The following VPS9D1 variants were observed in gnomAD, a reference collection of about 807,000 sequenced individuals.
The protein encoded by VPS9D1 is VPS9 domain-containing protein 1.
A neutral mutation model predicts 75.8 loss-of-function variants in VPS9D1; 78 were observed. That is an observed-to-expected ratio of 1.03 (90% CI 0.86 to 1.24). VPS9D1 has a LOEUF of 1.24. Among genes scored for constraint, VPS9D1 ranks in the 50% most tolerant of loss-of-function variants. The pLI is 0.00. For synonymous variants in VPS9D1, 481 were observed against 385.6 expected (o/e 1.25, Z -2.90); for missense variants, 1,057 against 847.7 (o/e 1.25, Z -3.07).
At chr16:89,716,939 C>T in intron 2 of VPS9D1, 117 bp from the exon 3 acceptor site, 5 of 955,958 alleles carry the variant, frequency 5.2e-6, no homozygotes, top group Non-Finnish European at 7.4e-6. Context: ...AGCACCCCCA[C>T]TGACCCCGGG....
intron 8 of VPS9D1, chr16:89,711,628 C>A: frequency 1.5e-6 from 1 of 656,632 alleles, no homozygotes; most frequent in Non-Finnish European, 2.5e-6. Flanking sequence ...TGGGACCCTC[C>A]CTCCTCGCAG....
At chr16:89,710,472 A>C in intron 10 of VPS9D1, 114 bp downstream of exon 10, 2 of 1,179,476 alleles carry the variant, frequency 1.7e-6, no homozygotes, top group Non-Finnish European at 2.3e-6. Flanking sequence ...GGGTGGATGT[A>C]AGTCTGATCA....
chr16:89,708,839 C>T lies in VPS9D1; in HGVS notation c.1697+18G>A, dbSNP rs373091500. On this transcript the variant is annotated intron_variant, in intron 13 of 14. Coordinates refer to ENST00000389386, the MANE Select transcript of VPS9D1 (RefSeq NM_004913.3). ...GGGCCCTTCCTCCCTGGCCACACCT[C>T]GCCCTCCTGGGACTCACATGGCAGC... 129 of 1,568,570 alleles carry T rather than the reference C, an allele frequency of 8.2e-5. 1 individual carries two copies. The African/African-American group carries it at 1.5e-3, about 18-fold the overall frequency.
At chr16:89,711,711 C>A in intron 8 of VPS9D1, 171 bp downstream of exon 8, 2 of 844,790 alleles carry the variant, frequency 2.4e-6, no homozygotes, top group Non-Finnish European at 1.8e-6. Context: ...CCGCCCCACG[C>A]AGCCCTGGCC....
chr16:89,719,027 C>T lies in VPS9D1; in HGVS notation c.175G>A (p.Glu59Lys). ...CCGCGCCCGGCTGGCTGAGCCGTACCTTTAGTGGTTTCCACTTCTTCTAGT... is the reference window on the plus strand; with the variant it reads ...CCGCGCCCGGCTGGCTGAGCCGTACTTTTAGTGGTTTCCACTTCTTCTAGT... ...VLLEEVETTK[E>K]AGETVPPDTS... The change falls in exon 2 of 15, where the codon GAA becomes AAA. Residue 59 changes from glutamate (E) to lysine (K), a missense_variant and splice_region_variant. Physicochemically the swap from Glu to Lys is moderately conservative, Grantham distance 56. Transcript: ENST00000389386. 1 of 1,613,034 alleles carries T rather than the reference C, an allele frequency of 6.2e-7. No individual in the cohort carries two copies. Among genetic ancestry groups the T allele is most frequent in the Non-Finnish European group, 8.5e-7 (1 of 1,179,734 alleles).
chr16:89,720,672 G>C, intron 1 of VPS9D1, 91 bp downstream of exon 1: 1 of 1,264,620 alleles, frequency 7.9e-7, no homozygotes. Context: ...CAAGTCTCCA[G>C]CCCGAGCCGG....
chr16:89,713,637 G>A (rs1271744531), intron 4 of VPS9D1, among the ~76,000 whole-genome samples: 1 of 152,124 alleles, frequency 6.6e-6, no homozygotes, highest in Non-Finnish European at 1.5e-5. Context: ...TATGAATCTT[G>A]TTAAAGCAAG....
chr16:89,711,082 G>A, intron 9 of VPS9D1, 72 bp from the exon 10 acceptor site: 7 of 1,397,452 alleles, frequency 5.0e-6, no homozygotes, highest in Non-Finnish European at 5.6e-6. Context: ...GCCGCGCTAT[G>A]CCCGGTTTCA....
chr16:89,715,403 T>A (rs2061039770), intron 4 of VPS9D1, among the ~76,000 whole-genome samples: 1 of 151,806 alleles, frequency 6.6e-6, no homozygotes, highest in Non-Finnish European at 1.5e-5. Context: ...ATTTTTTGTA[T>A]TTTTAGTAGA....
chr16:89,710,750 G>T lies in VPS9D1; in HGVS notation c.1094C>A (p.Pro365His). Reference sequence around the variant, plus strand: ...CAATCCAGATGCGGTGTCCCCCAGGGGTGAGGGAGACCCCACGGGGCCGGG... The same window carrying T: ...CAATCCAGATGCGGTGTCCCCCAGGTGTGAGGGAGACCCCACGGGGCCGGG... The part of the protein sequence containing the change: ...LQPGPVGSPS[P>H]LGDTASGLPD... The change falls in exon 10 of 15, where the codon CCC becomes CAC. Residue 365 changes from proline (P) to histidine (H), a missense_variant. By Grantham distance (77) the Pro-to-His change is moderately conservative (BLOSUM62 -2). Coordinates refer to ENST00000389386, the MANE Select transcript of VPS9D1 (RefSeq NM_004913.3). 6.3e-7 allele frequency: 1 copy of T among 1,576,326 alleles called. No homozygotes were observed. Among genetic ancestry groups the T allele is most frequent in the African/African-American group, 1.3e-5 (1 of 74,258 alleles).
intron 1 of VPS9D1, 105 bp from the exon 2 acceptor site, chr16:89,719,207 G>T: frequency 2.9e-6 from 3 of 1,047,720 alleles, no homozygotes; most frequent in Non-Finnish European, 3.0e-6. Context: ...ACCACCACCT[G>T]CTTATCTCTG....
intron 4 of VPS9D1, among the ~76,000 whole-genome samples, chr16:89,716,036 G>C (rs542097646): frequency 2.0e-5 from 3 of 151,696 alleles, no homozygotes; most frequent in Admixed American, 2.0e-4. Context: ...AAAAACATTC[G>C]CTGTCAGGCC....
At chr16:89,720,494 TCTC>T (rs1364208037) in intron 1 of VPS9D1, 9 of 1,125,444 alleles carry the variant, frequency 8.0e-6, no homozygotes, top group South Asian at 4.4e-5. Flanking sequence ...TCCTGCTACA[TCTC>T]CTCTACAGGT....
Position 89,710,608 on chromosome 16 carries a change from C to T in VPS9D1, c.1236G>A (p.Val412=), listed in dbSNP as rs374739807. The part of the protein sequence containing the change: ...EPQLQQLKTA[V]EEIHNAVDRL... ...CACCTACGGCATTGTGGATCTCCTCCACCGCGGTCTTCAGCTGCTGCAGCT... is the reference window on the plus strand; with the variant it reads ...CACCTACGGCATTGTGGATCTCCTCTACCGCGGTCTTCAGCTGCTGCAGCT... The change falls in exon 10 of 15, where the codon GTG becomes GTA. Residue 412 remains valine (V), a synonymous_variant. Coordinates refer to ENST00000389386, the MANE Select transcript of VPS9D1 (RefSeq NM_004913.3). 4.2e-5 allele frequency: 67 copies of T among 1,606,460 alleles called. No individual in the cohort carries two copies. Among genetic ancestry groups the T allele is most frequent in the Non-Finnish European group, 5.4e-5 (64 of 1,174,886 alleles).
chr16:89,707,865 T>G lies in VPS9D1; in HGVS notation c.1892A>C (p.Lys631Thr). Residue 631 changes from lysine (K) to threonine (T), a missense_variant, in exon 15 of 15, where the codon AAG (lysine) becomes ACG (threonine). Physicochemically the swap from Lys to Thr is moderately conservative, Grantham distance 78. Coordinates refer to ENST00000389386, the MANE Select transcript of VPS9D1 (RefSeq NM_004913.3). Reference protein sequence around the residue: ...VELLPRGGLAK With the variant: ...VELLPRGGLAT ...GGACCCTGGGCTCTAGCTGTACTAC[T>G]TGGCCAGGCCTCCCCGGGGCAGCAG... is the stretch of plus-strand genomic sequence containing the variant. The G allele has an allele frequency of 6.2e-7, 1 of 1,613,002 alleles. No homozygotes were observed. Among genetic ancestry groups the G allele is most frequent in the Non-Finnish European group, 8.5e-7 (1 of 1,179,928 alleles).
At chr16:89,719,443 C>A in intron 1 of VPS9D1, 1 of 454,464 alleles carries the variant, frequency 2.2e-6, no homozygotes, top group Non-Finnish European at 4.4e-6. Flanking sequence ...GAAGTGACCT[C>A]AGCAGTTTGC....
At chr16:89,719,734 G>T (rs1402430250) in intron 1 of VPS9D1, among the ~76,000 whole-genome samples, 1 of 152,038 alleles carries the variant, frequency 6.6e-6, no homozygotes, top group South Asian at 2.1e-4. Flanking sequence ...GTTTTGTTTT[G>T]TTGAGACAGA....
At position 89,712,526 on chromosome 16, in the gene VPS9D1, G is replaced by C. The variant is rs766303373; in HGVS notation, c.544-4C>G. The C allele has an allele frequency of 2.8e-5, 45 of 1,612,222 alleles. No homozygotes were observed. The highest frequency in any genetic ancestry group is 1.1e-4 in the East Asian group (5 of 44,886). ...TCTGCCGCTGTAGAGAGAGGGTCTG[G>C]GGGGGGAGGAGGGAGTAAGGCCGAC... On this transcript the variant is annotated splice_polypyrimidine_tract_variant and splice_region_variant and intron_variant, in intron 5 of 14. Coordinates refer to ENST00000389386, the MANE Select transcript of VPS9D1 (RefSeq NM_004913.3).
In VPS9D1 at chr16:89,720,771, G is replaced by C; in HGVS notation, c.91C>G (p.Arg31Gly). The C allele has an allele frequency of 3.4e-6, 5 of 1,451,516 alleles. No individual in the cohort carries two copies. The South Asian group carries it at 6.7e-5, about 20-fold the overall frequency. 89.9% of individuals were successfully genotyped at this position (1,451,516 alleles called of 1,614,324 possible). A position where few individuals can be genotyped will look rare whatever the true frequency, so the allele number is the denominator to read the frequency against. ...NGAIELDTGN[R>G]PREAYTEYLR... is the part of the protein sequence containing the mutation. Reference sequence around the variant, plus strand: ...CCCCCGCCCCGCCTCACCCGGGGCCGGTTGCCGGTGTCCAGCTCGATGGCC... The same window carrying C: ...CCCCCGCCCCGCCTCACCCGGGGCCCGTTGCCGGTGTCCAGCTCGATGGCC... The change falls in exon 1 of 15, where the codon CGG (arginine) becomes GGG (glycine). Residue 31 changes from arginine (R) to glycine (G), a missense_variant. By Grantham distance (125) the Arg-to-Gly change is moderately radical (BLOSUM62 -2). Transcript: ENST00000389386.
Sources: gnomAD v4.1 joint callset for allele counts (sites outside exome capture counted in the v4.1 genomes callset) on GRCh38, gnomAD v4.1.1 for gene constraint, MANE v1.5 for transcripts, NCBI Gene and HGNC (gene_info 2026-07-23, HGNC 2026-07-21) for gene names.